Variants in PTGR2 observed in about 807,000 individuals in gnomAD.
PTGR2 encodes the protein prostaglandin reductase 2.
A neutral mutation model predicts 43.4 loss-of-function variants in PTGR2; 32 were observed. That is an observed-to-expected ratio of 0.74 (90% CI 0.56 to 0.99). The LOEUF is 0.99. Ranked by LOEUF, PTGR2 falls within the 50% of genes least tolerant of loss-of-function variation. PTGR2 has a pLI of 0.00. For synonymous variants in PTGR2, 106 were observed against 139.2 expected, an observed-to-expected ratio of 0.76 and a Z score of 1.68; for missense variants, 373 against 420.0, an observed-to-expected ratio of 0.89 and a Z score of 0.98.
chr14:73,860,544 A>C lies in PTGR2; in HGVS notation c.43A>C (p.Asn15His). The C allele has an allele frequency of 6.6e-7, 1 of 1,514,494 alleles. No homozygotes were observed. The highest frequency in any genetic ancestry group is 9.1e-7 in the Non-Finnish European group (1 of 1,104,400). 93.8% of individuals were successfully genotyped at this position (1,514,494 alleles called of 1,614,324 possible). A position where few individuals can be genotyped will look rare whatever the true frequency, so the allele number is the denominator to read the frequency against. The change falls in exon 3 of 10, where the codon AAT becomes CAT. Residue 15 changes from asparagine to histidine, a missense_variant. Physicochemically the swap from Asn to His is moderately conservative, Grantham distance 68. Transcript: ENST00000555661. The stretch of plus-strand genomic sequence containing the variant: ...ATTTTTGCATAATATTTTAGGAAAA[A>C]ATGGTAATCCAGTGGCAGAGAATTT... ...RVVLNSRPGK[N>H]GNPVAENFRM...
intron 5 of PTGR2, chr14:73,877,984 T>C (rs2054901224): frequency 6.6e-6 from 1 of 152,110 alleles, no homozygotes; most frequent in African/African-American, 2.4e-5. Flanking sequence ...ATAGTAAGAC[T>C]CTTCAGTAAA....
At chr14:73,870,351 G>T (rs1266185420) in intron 3 of PTGR2, among the ~76,000 whole-genome samples, 1 of 151,838 alleles carries the variant, frequency 6.6e-6, no homozygotes, top group African/African-American at 2.4e-5. Flanking sequence ...GCTAATTTTT[G>T]TATTTTTTAG....
chr14:73,857,839 T>C (rs994450648), intron 1 of PTGR2, among the ~76,000 whole-genome samples: 12 of 151,496 alleles, frequency 7.9e-5, no homozygotes, highest in African/African-American at 1.9e-4. Context: ...TGGCTTATTT[T>C]TTTGTATTTT....
At chr14:73,862,259 G>C (rs1415848823) in intron 3 of PTGR2, among the ~76,000 whole-genome samples, 1 of 151,910 alleles carries the variant, frequency 6.6e-6, no homozygotes, top group Non-Finnish European at 1.5e-5. Context: ...CCAGGCTGGA[G>C]TGCAGTGGCG....
chr14:73,872,150 C>T (rs1259232233), intron 3 of PTGR2, among the ~76,000 whole-genome samples: 1 of 152,128 alleles, frequency 6.6e-6, no homozygotes, highest in Admixed American at 6.6e-5. Flanking sequence ...TGACTGCTAC[C>T]AAGAGAAGTT....
chr14:73,873,542 G>A (rs1015589475), intron 3 of PTGR2, among the ~76,000 whole-genome samples: 6 of 150,400 alleles, frequency 4.0e-5, no homozygotes, highest in Admixed American at 3.3e-4. Context: ...TTGGCTCACT[G>A]CAACCTCCAC....
In PTGR2 at chr14:73,874,690, GT is replaced by G. The variant is rs996565337; in HGVS notation, c.348+481del. On this transcript the variant is annotated intron_variant, in intron 4 of 9. Coordinates refer to ENST00000555661, the MANE Select transcript of PTGR2 (RefSeq NM_001146154.2). ...CTGAGATTACAGGTGTGAGCTTGAAGTTTTTATAGCTAAAGGAATGGGGCTT... is the reference window on the plus strand; with the variant it reads ...CTGAGATTACAGGTGTGAGCTTGAAGTTTTATAGCTAAAGGAATGGGGCTT... 2.4e-5 allele frequency: 10 copies of G among 424,690 alleles called. No homozygotes were observed. In the Admixed American group the frequency reaches 2.7e-4, roughly 11 times the overall value. The allele number at this position is 424,690 out of a possible 1,614,324, so 26.3% of individuals were successfully genotyped here.
intron 3 of PTGR2, among the ~76,000 whole-genome samples, chr14:73,865,912 T>C (rs2054587487): frequency 6.6e-6 from 1 of 152,232 alleles, no homozygotes; most frequent in African/African-American, 2.4e-5. Context: ...TCTAGCAATC[T>C]GTATATCTGT....
Position 73,885,512 on chromosome 14 carries a change from G to A in PTGR2, c.*1335G>A, listed in dbSNP as rs2055109411. On this transcript the variant is annotated 3_prime_UTR_variant, in exon 10 of 10. Transcript: ENST00000555661. ...ACACACTGCCAATATACTTTTGTATGCAACATTTGTAATAAGTAGATTCAA... is the reference window on the plus strand; with the variant it reads ...ACACACTGCCAATATACTTTTGTATACAACATTTGTAATAAGTAGATTCAA... 6.6e-6 allele frequency: 1 copy of A among 152,164 alleles called. No individual in the cohort carries two copies. Among genetic ancestry groups the A allele is most frequent in the African/African-American group, 2.4e-5 (1 of 41,438 alleles). 9.4% of individuals were successfully genotyped at this position (152,164 alleles called of 1,614,324 possible).
intron 3 of PTGR2, among the ~76,000 whole-genome samples, chr14:73,868,394 A>G (rs2054652154): frequency 6.6e-6 from 1 of 152,150 alleles, no homozygotes; most frequent in South Asian, 2.1e-4. Context: ...TGTCTTTTGT[A>G]ACACATCAGT....
chr14:73,863,721 T>C (rs539209115), intron 3 of PTGR2, among the ~76,000 whole-genome samples: 20 of 152,030 alleles, frequency 1.3e-4, no homozygotes, highest in Admixed American at 1.1e-3. Context: ...TTCAAGAGAT[T>C]CTCATGCCTC....
At chr14:73,872,725 C>G (rs1217504365) in intron 3 of PTGR2, among the ~76,000 whole-genome samples, 4 of 152,174 alleles carry the variant, frequency 2.6e-5, no homozygotes, top group African/African-American at 9.7e-5. Context: ...CGCCTGTAAT[C>G]CCAGCACTTT....
chr14:73,874,521 A>C (rs938244610), intron 4 of PTGR2: 2 of 486,324 alleles, frequency 4.1e-6, no homozygotes, highest in Non-Finnish European at 8.1e-6. Context: ...AGGAGACTCA[A>C]AGGAGGGACC....
chr14:73,877,153 ATCTGTGGCTGGGCAGGTAAACTT>A lies in PTGR2; in HGVS notation c.509_519+12del, dbSNP rs1306605828. 22 of 1,611,496 alleles carry A rather than the reference ATCTGTGGCTGGGCAGGTAAACTT, an allele frequency of 1.4e-5. No homozygotes were observed. The highest frequency in any genetic ancestry group is 1.9e-5 in the Non-Finnish European group (22 of 1,179,160). ...TCAGTGGGGCCGCAGGTGCCTGTGG[ATCTGTGGCTGGGCAGGTAAACTT>A]TCTGAGAATTATTTGATTTTCTGAT... On this transcript the variant is annotated splice_donor_variant and splice_donor_5th_base_variant and coding_sequence_variant and intron_variant, in exon 5 of 10. Coordinates refer to ENST00000555661, the MANE Select transcript of PTGR2 (RefSeq NM_001146154.2).
At chr14:73,868,899 C>T (rs889233534) in intron 3 of PTGR2, among the ~76,000 whole-genome samples, 4 of 152,116 alleles carry the variant, frequency 2.6e-5, no homozygotes, top group Non-Finnish European at 4.4e-5. Context: ...CCTCCCCTCT[C>T]GGCAACTGTA....
At chr14:73,855,528 C>T (rs2054325509) in intron 1 of PTGR2, among the ~76,000 whole-genome samples, 1 of 151,870 alleles carries the variant, frequency 6.6e-6, no homozygotes, top group Non-Finnish European at 1.5e-5. Context: ...CTCACCGCAA[C>T]CTCCACCTCT....
At chr14:73,855,779 C>T (rs997711962) in intron 1 of PTGR2, among the ~76,000 whole-genome samples, 12 of 146,528 alleles carry the variant, frequency 8.2e-5, no homozygotes, top group Admixed American at 6.8e-5. Context: ...TTAGTGGGGC[C>T]GGGCGCGGTG....
intron 3 of PTGR2, among the ~76,000 whole-genome samples, chr14:73,864,886 G>T (rs537559802): frequency 1.3e-5 from 2 of 152,228 alleles, no homozygotes; most frequent in East Asian, 3.9e-4. Flanking sequence ...CTCACTTAAG[G>T]TCATGAAGAT....
intron 3 of PTGR2, among the ~76,000 whole-genome samples, chr14:73,868,213 C>T (rs190891598): frequency 1.4e-4 from 21 of 151,938 alleles, no homozygotes; most frequent in African/African-American, 4.8e-4. Flanking sequence ...CACTTGAGCC[C>T]GGGAGGCCGA....
Sources: allele counts gnomAD v4.1 joint callset (sites outside exome capture counted in the v4.1 genomes callset), GRCh38; gene constraint gnomAD v4.1.1; transcripts MANE v1.5; gene names NCBI Gene and HGNC (gene_info 2026-07-23, HGNC 2026-07-21).